CACNA2D3: variants seen among roughly 807,000 people sequenced by gnomAD.
CACNA2D3 encodes the protein calcium voltage-gated channel auxiliary subunit alpha2delta 3, also known as voltage-dependent calcium channel subunit alpha-2/delta-3.
In CACNA2D3, 60 loss-of-function variants were observed where a neutral mutation model predicts 160.6. The observed-to-expected ratio is 0.37, with a 90% CI of 0.30 to 0.46. The LOEUF (loss-of-function observed/expected upper bound fraction) is 0.46, where lower values mean the gene tolerates loss of function less well. Among genes scored for constraint, CACNA2D3 ranks in the 20% least tolerant of loss-of-function variants. CACNA2D3 has a pLI of 1.00. For missense variants in CACNA2D3, 1,205 were observed against 1,365.0 expected, an observed-to-expected ratio of 0.88 and a Z score of 1.85; for synonymous variants, 558 against 492.9, an observed-to-expected ratio of 1.13 and a Z score of -1.75.
chr3:54,444,431 T>A (rs1700189964), intron 4 of CACNA2D3, among the ~76,000 whole-genome samples: 1 of 152,232 alleles, frequency 6.6e-6, no homozygotes, highest in Non-Finnish European at 1.5e-5. Flanking sequence ...TAAGTTGCCA[T>A]AATCAGTGTC....
chr3:54,623,494 A>G (rs1203187809), intron 9 of CACNA2D3, among the ~76,000 whole-genome samples: 1 of 152,180 alleles, frequency 6.6e-6, no homozygotes, highest in Non-Finnish European at 1.5e-5. Flanking sequence ...CTTCACTCAA[A>G]TCATATGAAT....
chr3:54,341,216 A>G (rs959814434), intron 3 of CACNA2D3, among the ~76,000 whole-genome samples: 2 of 152,210 alleles, frequency 1.3e-5, no homozygotes, highest in Non-Finnish European at 2.9e-5. Flanking sequence ...GTCCGGGTGA[A>G]AATGCTGCAT....
intron 4 of CACNA2D3, among the ~76,000 whole-genome samples, chr3:54,438,065 TAA>T (rs1700086609): frequency 3.3e-5 from 5 of 152,258 alleles, no homozygotes; most frequent in Admixed American, 3.3e-4. Context: ...TAAAAAAAAC[TAA>T]AGTTTCTCTG....
chr3:54,282,091 A>G (rs1702894917), intron 2 of CACNA2D3, among the ~76,000 whole-genome samples: 1 of 152,250 alleles, frequency 6.6e-6, no homozygotes, highest in Non-Finnish European at 1.5e-5. Flanking sequence ...CATAATTTGT[A>G]AAAGGCACTT....
chr3:54,364,568 AC>A (rs1441571026), intron 3 of CACNA2D3, among the ~76,000 whole-genome samples: 1 of 152,160 alleles, frequency 6.6e-6, no homozygotes, highest in Non-Finnish European at 1.5e-5. Context: ...AGGTCAAGTT[AC>A]TCCTTCAGCC....
chr3:54,315,654 G>C (rs1703843061), intron 2 of CACNA2D3, among the ~76,000 whole-genome samples: 1 of 152,184 alleles, frequency 6.6e-6, no homozygotes, highest in Admixed American at 6.5e-5. Context: ...CCTTCTGTGT[G>C]CCTCAGCTCT....
intron 5 of CACNA2D3, among the ~76,000 whole-genome samples, chr3:54,526,592 T>C (rs1201126495): frequency 6.6e-6 from 1 of 152,220 alleles, no homozygotes; most frequent in Non-Finnish European, 1.5e-5. Flanking sequence ...GCTTTTGCTT[T>C]TCAGAGGGTA....
chr3:55,058,447 G>A (rs1704419817), intron 35 of CACNA2D3, among the ~76,000 whole-genome samples: 1 of 151,946 alleles, frequency 6.6e-6, no homozygotes, highest in African/African-American at 2.4e-5. Context: ...AAGGATATAC[G>A]GTAAAAATGA....
rs568237099 is a variant in CACNA2D3, at chr3:54,172,984, A to G, written c.204+49390A>G. Among the ~76,000 whole-genome samples, 10 of 152,316 alleles carry G rather than the reference A, an allele frequency of 6.6e-5. No individual in the cohort carries two copies. The East Asian group carries it at 1.9e-3, about 29-fold the overall frequency. On this transcript the variant is annotated intron_variant, in intron 2 of 37. Transcript: ENST00000474759. ...GACCAGCTATCCTGGTTTGCCCAGA[A>G]CTGTCCCAGTTTTAGCACTGAAAGT...
chr3:54,292,567 T>A (rs1324350440), intron 2 of CACNA2D3, among the ~76,000 whole-genome samples: 2 of 151,988 alleles, frequency 1.3e-5, no homozygotes, highest in Non-Finnish European at 2.9e-5. Context: ...AATAAGTACA[T>A]GAAAAAAAAT....
chr3:54,694,540 T>G (rs1343027839), intron 11 of CACNA2D3, among the ~76,000 whole-genome samples: 2 of 152,220 alleles, frequency 1.3e-5, no homozygotes, highest in Non-Finnish European at 2.9e-5. Flanking sequence ...GCTCTGCTAT[T>G]GACATTTGGT....
chr3:54,883,673 C>T (rs1699854104), intron 21 of CACNA2D3, among the ~76,000 whole-genome samples: 2 of 152,152 alleles, frequency 1.3e-5, no homozygotes, highest in East Asian at 3.9e-4. Flanking sequence ...AGTCCCTTCT[C>T]AGGGCCTTTG....
chr3:54,320,106 T>G (rs1436500267), intron 2 of CACNA2D3, among the ~76,000 whole-genome samples: 2 of 152,212 alleles, frequency 1.3e-5, no homozygotes, highest in Admixed American at 1.3e-4. Flanking sequence ...GGGTATGTGA[T>G]GGCTTTTAAA....
chr3:54,763,769 G>GTATATATATGCACATATATATGTA (rs71096448), intron 12 of CACNA2D3, among the ~76,000 whole-genome samples: 1 of 49,320 alleles, frequency 2.0e-5, no homozygotes, highest in African/African-American at 8.9e-5. Flanking sequence ...ACATATATAT[G>GTATATATATGCACATATATATGTA]TATATATGTA....
chr3:54,504,793 A>C (rs1478002837), intron 5 of CACNA2D3, among the ~76,000 whole-genome samples: 1 of 152,188 alleles, frequency 6.6e-6, no homozygotes, highest in African/African-American at 2.4e-5. Flanking sequence ...TAAGCAAGCA[A>C]CTTTGCCTTT....
intron 2 of CACNA2D3, among the ~76,000 whole-genome samples, chr3:54,247,102 A>G (rs1231781414): frequency 6.6e-6 from 1 of 152,218 alleles, no homozygotes; most frequent in African/African-American, 2.4e-5. Flanking sequence ...ACCTGAGGTC[A>G]GGAGTTCAAG....
chr3:54,657,057 G>T (rs1260080995), intron 11 of CACNA2D3, among the ~76,000 whole-genome samples: 1 of 151,524 alleles, frequency 6.6e-6, no homozygotes, highest in Non-Finnish European at 1.5e-5. Flanking sequence ...AAAGGAAAAA[G>T]GGGGGTTGTT....
intron 2 of CACNA2D3, among the ~76,000 whole-genome samples, chr3:54,242,995 T>C (rs1216056084): frequency 1.3e-5 from 2 of 152,226 alleles, no homozygotes; most frequent in Non-Finnish European, 2.9e-5. Context: ...TAGAAATTAC[T>C]CTTCTCAATA....
chr3:54,879,825 CTG>C (rs1364380441), intron 20 of CACNA2D3, among the ~76,000 whole-genome samples: 1 of 152,192 alleles, frequency 6.6e-6, no homozygotes, highest in African/African-American at 2.4e-5. Context: ...TGTTGTGCCT[CTG>C]TTTCCATTTC....
Sources: allele counts gnomAD v4.1 joint callset (sites outside exome capture counted in the v4.1 genomes callset), GRCh38; gene constraint gnomAD v4.1.1; transcripts MANE v1.5; gene names NCBI Gene and HGNC (gene_info 2026-07-23, HGNC 2026-07-21).